The following ZBTB4 variants were observed in gnomAD, a reference collection of about 807,000 sequenced individuals.
The protein encoded by ZBTB4 is zinc finger and BTB domain-containing protein 4.
A neutral mutation model predicts 59.8 loss-of-function variants in ZBTB4; 14 were observed. That is an observed-to-expected ratio of 0.23 (90% CI 0.15 to 0.37). ZBTB4 has a LOEUF of 0.37. Among genes scored for constraint, ZBTB4 ranks in the 10% least tolerant of loss-of-function variants. The pLI is 1.00. For missense variants in ZBTB4, 1,198 were observed against 1,380.8 expected (o/e 0.87, Z 2.10); for synonymous variants, 587 against 575.2 (o/e 1.02, Z -0.29).
Position 7,466,081 on chromosome 17 carries a change from T to G in ZBTB4, c.721A>C (p.Lys241Gln). The G allele has an allele frequency of 5.0e-6, 8 of 1,606,284 alleles. No homozygotes were observed. Among genetic ancestry groups the G allele is most frequent in the Non-Finnish European group, 6.0e-6 (7 of 1,175,580 alleles). ...AGCCGTTTGGGATGGATGAAGCTTT[T>G]TCCACACTGGGGGCAGGGGAGGGGC... ...RRPLPCPQCG[K>Q]SFIHPKRLQT... The change falls in exon 3 of 4, where the codon AAA becomes CAA. Residue 241 changes from lysine to glutamine, a missense_variant. This residue lies in a region of ZBTB4 where 204 missense variants were observed against 205.5 expected (regional missense o/e 0.99). Coordinates refer to ENST00000380599, the MANE Select transcript of ZBTB4 (RefSeq NM_001128833.2). The surrounding 1 kb of genome is among the most constrained non-coding windows in gnomAD (Gnocchi z 9.1).
At chr17:7,464,768 G>T (rs2070088211) in intron 3 of ZBTB4, among the ~76,000 whole-genome samples, 1 of 150,554 alleles carries the variant, frequency 6.6e-6, no homozygotes, top group African/African-American at 2.4e-5. Context: ...AACCCAGGAG[G>T]TAGAGGTTGC....
At chr17:7,468,424 A>C (rs1371984682) in intron 1 of ZBTB4, among the ~76,000 whole-genome samples, 1 of 152,150 alleles carries the variant, frequency 6.6e-6, no homozygotes, top group Non-Finnish European at 1.5e-5. Context: ...CTGAAACGCA[A>C]GCTCAGGCAG....
Position 7,463,213 on chromosome 17 carries a change from C to T in ZBTB4, c.1769G>A (p.Arg590Gln), listed in dbSNP as rs751031680. 4.2e-5 allele frequency: 67 copies of T among 1,609,214 alleles called. No individual in the cohort carries two copies. The highest frequency in any genetic ancestry group is 3.3e-4 in the Middle Eastern group (2 of 6,080). Residue 590 changes from arginine to glutamine, a missense_variant, in exon 4 of 4, where the codon CGG becomes CAG. Around this residue, in one of 9 missense-constraint regions of ZBTB4, gnomAD observed 550 missense variants for 541.8 expected, o/e 1.02. Coordinates refer to ENST00000380599, the MANE Select transcript of ZBTB4 (RefSeq NM_001128833.2). ...TGGAGCCTGCAGCTGAGAGGGGCCC[C>T]GGCCAGCCCCTGTGGGGGGACCCCC... ...GGGGPPTGAGRGPSQLQAPPP... is the reference protein window; with the variant it reads ...GGGGPPTGAGQGPSQLQAPPP...
chr17:7,472,601 G>C (rs1271314861), intron 1 of ZBTB4, among the ~76,000 whole-genome samples: 1 of 146,108 alleles, frequency 6.8e-6, no homozygotes, highest in East Asian at 2.0e-4. Context: ...CAAGTGCCAG[G>C]ATTATAGGAG....
upstream of ZBTB4, chr17:7,483,025 T>C (rs745504681): frequency 1.9e-6 from 3 of 1,610,318 alleles, no homozygotes; most frequent in Non-Finnish European, 1.7e-6. Flanking sequence ...AGCCCGGGGG[T>C]TGGGAGGGAC....
At chr17:7,475,508 G>A (rs1451271272) in intron 1 of ZBTB4, among the ~76,000 whole-genome samples, 2 of 152,036 alleles carry the variant, frequency 1.3e-5, no homozygotes, top group Non-Finnish European at 2.9e-5. Context: ...CTGGAGCGCA[G>A]TGGCGTGATC....
rs763459171 is a variant in ZBTB4, at chr17:7,462,357, A to C, written c.2625T>G (p.Phe875Leu). ...GSYVYPPVQE[F>L]PLALIGGGRE... ...GGCCGCCCCCAATCAAGGCCAGTGG[A>C]AATTCCTGCACAGGTGGGTATACAT... Residue 875 changes from phenylalanine to leucine, a missense_variant, in exon 4 of 4, where the codon TTT (phenylalanine) becomes TTG (leucine). Physicochemically the swap from Phe to Leu is conservative, Grantham distance 22. This residue lies in a region of ZBTB4 where 211 missense variants were observed against 236.1 expected (regional missense o/e 0.89). Transcript: ENST00000380599. This position sits in a 1 kb window ranked among gnomAD's most constrained non-coding sequence, Gnocchi z 7.5. The C allele has an allele frequency of 1.2e-6, 2 of 1,613,872 alleles. No individual in the cohort carries two copies. The highest frequency in any genetic ancestry group is 1.1e-5 in the South Asian group (1 of 91,076).
chr17:7,481,376 C>T, upstream of ZBTB4: 1 of 1,244,904 alleles, frequency 8.0e-7, no homozygotes, highest in Non-Finnish European at 1.0e-6. Context: ...GAGTTGGACT[C>T]AGCGGGAAAA....
Position 7,466,271 on chromosome 17 carries a change from G to A in ZBTB4, c.531C>T (p.Gly177=). 1.2e-6 allele frequency: 2 copies of A among 1,613,282 alleles called. No homozygotes were observed. The highest frequency in any genetic ancestry group is 8.5e-7 in the Non-Finnish European group (1 of 1,179,538). The change falls in exon 3 of 4, where the codon GGC becomes GGT. Residue 177 remains glycine (G), a synonymous_variant. Coordinates refer to ENST00000380599, the MANE Select transcript of ZBTB4 (RefSeq NM_001128833.2). This position sits in a 1 kb window ranked among gnomAD's most constrained non-coding sequence, Gnocchi z 9.1. ...GRRLGISRLQ[G]LGEGGDAWVP... ...CCCAGGCATCACCTCCCTCCCCCAG[G>A]CCCTGAAGGCGGGAGATGCCCAGAC...
chr17:7,482,917 G>C (rs781443670), upstream of ZBTB4: 20 of 1,612,028 alleles, frequency 1.2e-5, no homozygotes, highest in South Asian at 2.0e-4. Flanking sequence ...CTGACATCGT[G>C]GGGGCAGGGG....
chr17:7,469,806 G>A (rs866743506), intron 1 of ZBTB4, among the ~76,000 whole-genome samples: 133 of 151,784 alleles, frequency 8.8e-4, no homozygotes, highest in African/African-American at 2.4e-3. Flanking sequence ...AAAATAGGCC[G>A]GGCACGGTGG....
intron 3 of ZBTB4, among the ~76,000 whole-genome samples, chr17:7,465,463 CAAAA>C (rs71157289): frequency 6.0e-5 from 5 of 83,000 alleles, no homozygotes; most frequent in Admixed American, 1.2e-4. Context: ...GGCTCTGTCT[CAAAA>C]AAAAAAAAAA....
At chr17:7,473,104 G>A (rs1459784033) in intron 1 of ZBTB4, among the ~76,000 whole-genome samples, 1 of 112,726 alleles carries the variant, frequency 8.9e-6, no homozygotes, top group Admixed American at 1.1e-4. Flanking sequence ...ATAGGCGCGC[G>A]CCACCATTTT....
upstream of ZBTB4, among the ~76,000 whole-genome samples, chr17:7,481,163 C>CA (rs34984586): frequency 0.71 from 92,385 of 129,880 alleles, 33,162 homozygotes; most frequent in East Asian, 0.89. Flanking sequence ...AACTCCGTCC[C>CA]AAAAAAAAAA....
In ZBTB4 at chr17:7,462,803, G is replaced by C; in HGVS notation, c.2179C>G (p.Arg727Gly). The change falls in exon 4 of 4, where the codon CGA becomes GGA. Residue 727 changes from arginine to glycine, a missense_variant. By Grantham distance (125) the Arg-to-Gly change is moderately radical. This residue lies in a region of ZBTB4 where 550 missense variants were observed against 541.8 expected (regional missense o/e 1.02). Transcript: ENST00000380599. This position sits in a 1 kb window ranked among gnomAD's most constrained non-coding sequence, Gnocchi z 7.5. ...AAGGTCTGGGCACAGTCCCCGCATC[G>C]GTGCCTCCGCTCTGTGCGGGCACGT... ...AGRARTERRH[R>G]CGDCAQTFTT... is the part of the protein sequence containing the mutation. The C allele has an allele frequency of 6.2e-7, 1 of 1,602,592 alleles. No homozygotes were observed. The highest frequency in any genetic ancestry group is 8.5e-7 in the Non-Finnish European group (1 of 1,179,816).
In ZBTB4 at chr17:7,477,472, C is replaced by T. The variant is rs2070284654; in HGVS notation, c.-81+1984G>A. ...GCCACCCCTTCCCAGCCCCCCATGCCGGAGGGCCTGTCCGCAGCACCCTCC... is the reference window on the plus strand; with the variant it reads ...GCCACCCCTTCCCAGCCCCCCATGCTGGAGGGCCTGTCCGCAGCACCCTCC... On this transcript the variant is annotated intron_variant, in intron 1 of 3. Coordinates refer to ENST00000380599, the MANE Select transcript of ZBTB4 (RefSeq NM_001128833.2). Among the ~76,000 whole-genome samples the T allele has an allele frequency of 2.6e-5, 4 of 152,206 alleles. No homozygotes were observed. The South Asian group carries it at 8.3e-4, about 32-fold the overall frequency.
intron 1 of ZBTB4, among the ~76,000 whole-genome samples, chr17:7,471,189 A>T (rs8075009): frequency 0.19 from 29,311 of 151,164 alleles, 2,980 homozygotes; most frequent in South Asian, 0.28. Flanking sequence ...TATGAAAAAA[A>T]TTTTTTTTTT....
At chr17:7,481,003 T>TA (rs1301657518), upstream of ZBTB4, among the ~76,000 whole-genome samples, 5 of 151,184 alleles carry the variant, frequency 3.3e-5, no homozygotes, top group Admixed American at 1.3e-4. Context: ...CTACGAAAAA[T>TA]AAAAAATTAG....
At position 7,462,902 on chromosome 17, in the gene ZBTB4, G is replaced by A. The variant is rs748566615; in HGVS notation, c.2080C>T (p.Arg694Trp). 5.6e-6 allele frequency: 9 copies of A among 1,608,390 alleles called. No individual in the cohort carries two copies. The highest frequency in any genetic ancestry group is 1.7e-5 in the Admixed American group (1 of 59,966). The change falls in exon 4 of 4, where the codon CGG becomes TGG. Residue 694 changes from arginine to tryptophan, a missense_variant. Around this residue, in one of 9 missense-constraint regions of ZBTB4, gnomAD observed 550 missense variants for 541.8 expected, o/e 1.02. Transcript: ENST00000380599. The surrounding 1 kb of genome is among the most constrained non-coding windows in gnomAD (Gnocchi z 7.5). ...AGCTTCTGCCTCCAACGTGGTGGCC[G>A]GCGGCCTCGGGGCAGCCCACTGCCC... ...VGGSGLPRGR[R>W]PPRWRQKLER...
Sources: gnomAD v4.1 joint callset for allele counts (sites outside exome capture counted in the v4.1 genomes callset) on GRCh38, gnomAD v4.1.1 for gene constraint, gnomAD v4.1.1 regional missense constraint, Gnocchi (gnomAD v3.1) non-coding constraint, MANE v1.5 for transcripts, NCBI Gene and HGNC (gene_info 2026-07-23, HGNC 2026-07-21) for gene names.